Variants in C4orf54 observed in about 807,000 individuals in gnomAD.
C4orf54 encodes the protein chromosome 4 open reading frame 54.
C4orf54 carries 67 observed loss-of-function variants against 80.1 expected under a neutral mutation model. The ratio of observed to expected loss-of-function variants is 0.84; its 90% confidence interval spans 0.69 to 1.03. The LOEUF (loss-of-function observed/expected upper bound fraction) is 1.03. Among genes scored for constraint, C4orf54 ranks in the 50% least tolerant of loss-of-function variants. The pLI, the probability that C4orf54 is intolerant of heterozygous loss-of-function variation, is 0.00. For synonymous variants in C4orf54, 1,000 were observed against 917.0 expected, an observed-to-expected ratio of 1.09 and a Z score of -1.64; for missense variants, 2,434 against 2,253.5, an observed-to-expected ratio of 1.08 and a Z score of -1.62.
rs190662978 is a variant in C4orf54 at position 99,642,440 on chromosome 4, C to T, written c.*37-1244G>A. On this transcript the variant is annotated intron_variant, in intron 2 of 2. Coordinates refer to ENST00000511828, the MANE Select transcript of C4orf54 (RefSeq NM_001354435.2). ...AATCGAGAGAGATTGCACTATAGGACGGTAATAGTCTGAGAAATGAAGGAG... is the reference window on the plus strand; with the variant it reads ...AATCGAGAGAGATTGCACTATAGGATGGTAATAGTCTGAGAAATGAAGGAG... 3.3e-5 allele frequency among the ~76,000 whole-genome samples: 5 copies of T among 152,164 alleles called. No individual in the cohort carries two copies. In the East Asian group the frequency reaches 5.8e-4, roughly 18 times the overall value.
In C4orf54 at chr4:99,653,543, G is replaced by T; in HGVS notation, c.1106C>A (p.Thr369Asn). ...PPKVEEAHYI[T>N]THEIQLSEVE... ...CTCACTCAGCTGGATCTCATGGGTG[G>T]TGATGTAGTGAGCCTCTTCGACTTT... The change falls in exon 2 of 3, where the codon ACC becomes AAC. Residue 369 changes from threonine to asparagine, a missense_variant. Thr to Asn is a moderately conservative substitution (Grantham distance 65). Transcript: ENST00000511828. 2 of 1,536,112 alleles carry T rather than the reference G, an allele frequency of 1.3e-6. No homozygotes were observed. Among genetic ancestry groups the T allele is most frequent in the South Asian group, 1.2e-5 (1 of 84,052 alleles).
At position 99,653,999 on chromosome 4, in the gene C4orf54, T is replaced by C. The variant is rs1726925684; in HGVS notation, c.650A>G (p.His217Arg). Residue 217 changes from histidine (H) to arginine (R), a missense_variant, in exon 2 of 3, where the codon CAC (histidine) becomes CGC (arginine). Coordinates refer to ENST00000511828, the MANE Select transcript of C4orf54 (RefSeq NM_001354435.2). ...AGAGGCCCTCTGACCCCCAGGGCAGTGCCCCAGGGTAAGTTTCATGGTCTG... is the reference window on the plus strand; with the variant it reads ...AGAGGCCCTCTGACCCCCAGGGCAGCGCCCCAGGGTAAGTTTCATGGTCTG... ...SPQTMKLTLG[H>R]CPGGQRASRS... is the part of the protein sequence containing the mutation. 2.0e-6 allele frequency: 3 copies of C among 1,536,090 alleles called. No homozygotes were observed. Among genetic ancestry groups the C allele is most frequent in the South Asian group, 2.4e-5 (2 of 84,044 alleles).
rs752270427 is a variant in C4orf54 at position 99,637,263 on chromosome 4, T to C, written c.*3970A>G. 3.9e-5 allele frequency: 6 copies of C among 152,226 alleles called. No homozygotes were observed. Among genetic ancestry groups the C allele is most frequent in the Non-Finnish European group, 8.8e-5 (6 of 68,024 alleles). The allele number at this position is 152,226 out of a possible 1,614,324, so 9.4% of individuals were successfully genotyped here. On this transcript the variant is annotated 3_prime_UTR_variant, in exon 3 of 3. Transcript: ENST00000511828. The stretch of plus-strand genomic sequence containing the variant: ...AATTAAACAGGAATAAATCTAATAA[T>C]GTGTTCTAGTTGCAACACGAAATAC...
In C4orf54 at chr4:99,640,734, T is replaced by G. The variant is rs2110246899; in HGVS notation, c.*499A>C. On this transcript the variant is annotated 3_prime_UTR_variant, in exon 3 of 3. Transcript: ENST00000511828. Reference sequence around the variant, plus strand: ...AAGAGCAGACCATCATAGTGAAAACTTAAATACGTATTACAACTCAGCCAG... The same window carrying G: ...AAGAGCAGACCATCATAGTGAAAACGTAAATACGTATTACAACTCAGCCAG... The G allele has an allele frequency of 6.6e-6, 1 of 152,284 alleles. No homozygotes were observed. Among genetic ancestry groups the G allele is most frequent in the East Asian group, 1.9e-4 (1 of 5,188 alleles). The allele number at this position is 152,284 out of a possible 1,614,324, so 9.4% of individuals were successfully genotyped here. A position where few individuals can be genotyped will look rare whatever the true frequency, so the allele number is the denominator to read the frequency against.
chr4:99,645,806 T>A (rs1726691775), intron 2 of C4orf54, among the ~76,000 whole-genome samples: 1 of 152,224 alleles, frequency 6.6e-6, no homozygotes, highest in Admixed American at 6.5e-5. Flanking sequence ...CTGTGCCTAG[T>A]ACACTGGTGT....
At position 99,650,645 on chromosome 4, in the gene C4orf54, G is replaced by C; in HGVS notation, c.4004C>G (p.Ala1335Gly). ...GNKAGVVLRGAPIERLQRRNS... is the reference protein window; with the variant it reads ...GNKAGVVLRGGPIERLQRRNS... Reference sequence around the variant, plus strand: ...TCTCCGCTGCAGACGTTCTATGGGGGCCCCTCGCAGGACCACACCAGCTTT... The same window carrying C: ...TCTCCGCTGCAGACGTTCTATGGGGCCCCCTCGCAGGACCACACCAGCTTT... The change falls in exon 2 of 3, where the codon GCC becomes GGC. Residue 1335 changes from alanine to glycine, a missense_variant. Physicochemically the swap from Ala to Gly is moderately conservative, Grantham distance 60 (BLOSUM62 0). Transcript: ENST00000511828. 6.5e-7 allele frequency: 1 copy of C among 1,536,052 alleles called. No individual in the cohort carries two copies. Among genetic ancestry groups the C allele is most frequent in the Non-Finnish European group, 8.7e-7 (1 of 1,146,896 alleles).
chr4:99,648,137 A>G (rs1726731688), intron 2 of C4orf54, among the ~76,000 whole-genome samples: 1 of 151,774 alleles, frequency 6.6e-6, no homozygotes, highest in Non-Finnish European at 1.5e-5. Context: ...CCCAATCTGA[A>G]GAGAACAGGA....
At position 99,653,662 on chromosome 4, in the gene C4orf54, C is replaced by A. The variant is rs1278059097; in HGVS notation, c.987G>T (p.Gly329=). ...CTCCCCCTCCTCCTTTTCCTCCTCC[C>A]CCTCCTCCTGATATTTTCTCTCCTT... ...GGEGEKISGG[G]GGGKGGGGGG... is the part of the protein sequence containing the mutation. The change falls in exon 2 of 3, where the codon GGG becomes GGT. Residue 329 remains glycine, a synonymous_variant. Transcript: ENST00000511828. 6.6e-7 allele frequency: 1 copy of A among 1,525,200 alleles called. No individual in the cohort carries two copies. Among genetic ancestry groups the A allele is most frequent in the South Asian group, 1.2e-5 (1 of 81,664 alleles). The allele number at this position is 1,525,200 out of a possible 1,614,324, so 94.5% of individuals were successfully genotyped here.
Position 99,653,476 on chromosome 4 carries a change from G to C in C4orf54, c.1173C>G (p.Arg391=), listed in dbSNP as rs1726901844. ...DMDFDVGLAS[R]WDFEDNNVIY... is the part of the protein sequence containing the mutation. ...TCACGTTGTTGTCCTCGAAATCCCA[G>C]CGGGAGGCCAGTCCCACGTCGAAAT... Residue 391 remains arginine (R), a synonymous_variant, in exon 2 of 3, where the codon CGC becomes CGG. Coordinates refer to ENST00000511828, the MANE Select transcript of C4orf54 (RefSeq NM_001354435.2). The C allele has an allele frequency of 2.0e-6, 3 of 1,535,974 alleles. No individual in the cohort carries two copies. The highest frequency in any genetic ancestry group is 2.6e-6 in the Non-Finnish European group (3 of 1,146,914).
chr4:99,650,000 T>C lies in C4orf54; in HGVS notation c.4649A>G (p.Gln1550Arg). 1.3e-6 allele frequency: 2 copies of C among 1,533,830 alleles called. No individual in the cohort carries two copies. Among genetic ancestry groups the C allele is most frequent in the Non-Finnish European group, 1.7e-6 (2 of 1,145,942 alleles). Residue 1550 changes from glutamine to arginine, a missense_variant, in exon 2 of 3, where the codon CAG becomes CGG. By Grantham distance (43) the Gln-to-Arg change is conservative. Transcript: ENST00000511828. Reference sequence around the variant, plus strand: ...GGTGGTGGGGGGATGCTCGGGGCTCTGTGGCCCTGGGGGGGCAGCTACTGT... The same window carrying C: ...GGTGGTGGGGGGATGCTCGGGGCTCCGTGGCCCTGGGGGGGCAGCTACTGT... ...RETVAAPPGP[Q>R]SPEHPPTTIY...
chr4:99,652,002 C>T lies in C4orf54; in HGVS notation c.2647G>A (p.Asp883Asn), dbSNP rs756404170. 4 of 1,536,142 alleles carry T rather than the reference C, an allele frequency of 2.6e-6. No homozygotes were observed. Among genetic ancestry groups the T allele is most frequent in the Admixed American group, 2.0e-5 (1 of 51,006 alleles). The change falls in exon 2 of 3, where the codon GAC becomes AAC. Residue 883 changes from aspartate to asparagine, a missense_variant. Coordinates refer to ENST00000511828, the MANE Select transcript of C4orf54 (RefSeq NM_001354435.2). ...GSEYTVVSMS[D>N]AGGEGSVAGS... ...GCCACGGACCCCTCCCCGCCCGCGT[C>T]GGACATGCTGACCACTGTGTACTCG...
In C4orf54 at chr4:99,653,768, C is replaced by T. The variant is rs777227546; in HGVS notation, c.881G>A (p.Gly294Glu). 1.6e-5 allele frequency: 24 copies of T among 1,536,088 alleles called. No homozygotes were observed. The South Asian group carries it at 2.9e-4, about 18-fold the overall frequency. The change falls in exon 2 of 3, where the codon GGG (glycine) becomes GAG (glutamate). Residue 294 changes from glycine to glutamate, a missense_variant. By Grantham distance (98) the Gly-to-Glu change is moderately conservative. Coordinates refer to ENST00000511828, the MANE Select transcript of C4orf54 (RefSeq NM_001354435.2). ...SKMEDSTTSTGALATSSSSLG... is the reference protein window; with the variant it reads ...SKMEDSTTSTEALATSSSSLG... ...GGATGAAGAGGAGGTGGCCAGAGCC[C>T]CTGTGGATGTGGTGGAGTCCTCCAT...
At chr4:99,656,695 C>T (rs1726985448) in intron 1 of C4orf54, among the ~76,000 whole-genome samples, 1 of 152,200 alleles carries the variant, frequency 6.6e-6, no homozygotes, top group African/African-American at 2.4e-5. Flanking sequence ...TTTATTTGAT[C>T]CCCATAACAA....
chr4:99,649,452 G>T lies in C4orf54; in HGVS notation c.5197C>A (p.Gln1733Lys). ...GAGGAGGTTGAGGAGGCCGGAGACT[G>T]ACCAGAAGCCATGAAGTATGGGGCC... ...TEAPYFMASG[Q>K]SPASSTSSAP... Residue 1733 changes from glutamine (Q) to lysine (K), a missense_variant, in exon 2 of 3, where the codon CAG (glutamine) becomes AAG (lysine). Coordinates refer to ENST00000511828, the MANE Select transcript of C4orf54 (RefSeq NM_001354435.2). 1 of 1,536,134 alleles carries T rather than the reference G, an allele frequency of 6.5e-7. No homozygotes were observed. The highest frequency in any genetic ancestry group is 1.2e-5 in the South Asian group (1 of 84,036).
rs1726897545 is a variant in C4orf54 at position 99,653,345 on chromosome 4, G to A, written c.1304C>T (p.Thr435Ile). The A allele has an allele frequency of 2.6e-6, 4 of 1,535,622 alleles. No homozygotes were observed. The highest frequency in any genetic ancestry group is 2.0e-5 in the Admixed American group (1 of 50,966). Residue 435 changes from threonine to isoleucine, a missense_variant, in exon 2 of 3, where the codon ACC becomes ATC. By Grantham distance (89) the Thr-to-Ile change is moderately conservative. Coordinates refer to ENST00000511828, the MANE Select transcript of C4orf54 (RefSeq NM_001354435.2). ...CCGGGTGGTGTTGGTGCTGGGAGTG[G>A]TGCTGAGGTAGCAGCTGTTGTCGTC... is the stretch of plus-strand genomic sequence containing the variant. ...EDDDNSCYLS[T>I]TPSTNTTRTP...
intron 1 of C4orf54, among the ~76,000 whole-genome samples, chr4:99,655,064 A>T (rs1432629499): frequency 6.6e-6 from 1 of 152,158 alleles, no homozygotes; most frequent in Non-Finnish European, 1.5e-5. Flanking sequence ...CTCAAAATCT[A>T]TGCATTTCTT....
chr4:99,651,271 T>TG lies in C4orf54; in HGVS notation c.3377dup (p.Glu1127ArgfsTer84). On this transcript the variant is annotated frameshift_variant, in exon 2 of 3. Coordinates refer to ENST00000511828, the MANE Select transcript of C4orf54 (RefSeq NM_001354435.2). LOFTEE classifies it high-confidence loss of function. ...GTTTGGGTCCAGTCAGCCCCTGCTC[T>TG]GGGGTAACACTGCCCTTGTCACTAC... 4 of 1,536,138 alleles carry TG rather than the reference T, an allele frequency of 2.6e-6. No homozygotes were observed. Among genetic ancestry groups the TG allele is most frequent in the Non-Finnish European group, 3.5e-6 (4 of 1,146,906 alleles).
At chr4:99,645,502 T>A (rs6851824) in intron 2 of C4orf54, among the ~76,000 whole-genome samples, 10,495 of 151,358 alleles carry the variant, frequency 0.069, 562 homozygotes, top group African/African-American at 0.15. Flanking sequence ...CCAATGAAAG[T>A]TTTCTTTTGT....
At chr4:99,655,667 G>T (rs940161074) in intron 1 of C4orf54, among the ~76,000 whole-genome samples, 1 of 152,142 alleles carries the variant, frequency 6.6e-6, no homozygotes, top group Admixed American at 6.5e-5. Context: ...AAGCAAATTT[G>T]CCAGTCAACT....
Sources: gnomAD v4.1 joint callset for allele counts (sites outside exome capture counted in the v4.1 genomes callset) on GRCh38, gnomAD v4.1.1 for gene constraint, MANE v1.5 for transcripts, NCBI Gene and HGNC (gene_info 2026-07-23, HGNC 2026-07-21) for gene names.